RNF138: variants seen among roughly 807,000 people sequenced by gnomAD.
The protein encoded by RNF138 is E3 ubiquitin-protein ligase RNF138.
Under a neutral mutation model 31.0 loss-of-function variants are expected in RNF138, and 12 were observed. The ratio of observed to expected loss-of-function variants is 0.39; its 90% CI spans 0.25 to 0.63. The LOEUF (loss-of-function observed/expected upper bound fraction) is 0.63. Ranked by LOEUF, RNF138 falls within the 20% of genes least tolerant of loss-of-function variation. The pLI is 0.52. For missense variants in RNF138, 192 were observed against 300.1 expected, an observed-to-expected ratio of 0.64 and a Z score of 2.66; for synonymous variants, 105 against 99.5, an observed-to-expected ratio of 1.06 and a Z score of -0.33.
At chr18:32,106,595 C>A (rs139031895) in intron 2 of RNF138, among the ~76,000 whole-genome samples, 8 of 151,624 alleles carry the variant, frequency 5.3e-5, no homozygotes, top group Non-Finnish European at 1.2e-4. Context: ...GATGGAGTCT[C>A]GCTCTGTCAC....
At chr18:32,126,208 C>T (rs1231488407) in intron 6 of RNF138, among the ~76,000 whole-genome samples, 1 of 152,038 alleles carries the variant, frequency 6.6e-6, no homozygotes, top group Non-Finnish European at 1.5e-5. Flanking sequence ...CCAGCCTGGA[C>T]AACAGTGAGA....
rs1285867332 is a variant in RNF138, at chr18:32,091,944, C to T, written c.-369C>T. The T allele has an allele frequency of 2.0e-5, 3 of 152,422 alleles. No homozygotes were observed. Among genetic ancestry groups the T allele is most frequent in the Non-Finnish European group, 1.5e-5 (1 of 68,196 alleles). The allele number at this position is 152,422 out of a possible 1,614,324, so 9.4% of individuals were successfully genotyped here. On this transcript the variant is annotated 5_prime_UTR_variant, in exon 1 of 8. Transcript: ENST00000261593. Reference sequence around the variant, plus strand: ...TCCCCGCCTCTCCTGGCTCCTCCGCCCAGATCCCCGGCGCTCCCGCGTTCG... The same window carrying T: ...TCCCCGCCTCTCCTGGCTCCTCCGCTCAGATCCCCGGCGCTCCCGCGTTCG...
Position 32,129,460 on chromosome 18 carries a change from G to T in RNF138, c.*273G>T. On this transcript the variant is annotated 3_prime_UTR_variant, in exon 8 of 8. Transcript: ENST00000261593. ...AATCCCTGTTGTACTTTATCTTTTT[G>T]TAATATTATTTTTGAATTTTTCATT... The T allele has an allele frequency of 7.2e-6, 2 of 278,038 alleles. No homozygotes were observed. The highest frequency in any genetic ancestry group is 6.7e-6 in the Non-Finnish European group (1 of 150,058). The allele number at this position is 278,038 out of a possible 1,614,324, so 17.2% of individuals were successfully genotyped here.
chr18:32,109,949 T>C (rs2040099904), intron 2 of RNF138, among the ~76,000 whole-genome samples: 1 of 152,180 alleles, frequency 6.6e-6, no homozygotes, highest in African/African-American at 2.4e-5. Flanking sequence ...TCTTGTTTAC[T>C]TTGCGTTATT....
At chr18:32,113,723 G>T in intron 3 of RNF138, 22 bp from the exon 4 acceptor site, 3 of 1,097,416 alleles carry the variant, frequency 2.7e-6, no homozygotes, top group Admixed American at 2.7e-5. Flanking sequence ...TAAATTAAAA[G>T]TCACATTTTA....
intron 2 of RNF138, among the ~76,000 whole-genome samples, chr18:32,096,662 T>C (rs1031463457): frequency 6.6e-6 from 1 of 152,200 alleles, no homozygotes; most frequent in East Asian, 1.9e-4. Flanking sequence ...ATTCAGATCA[T>C]CTGCAAATGA....
chr18:32,119,446 A>G lies in RNF138; in HGVS notation c.393-4072A>G, dbSNP rs565780179. On this transcript the variant is annotated intron_variant, in intron 4 of 7. Transcript: ENST00000261593. The stretch of plus-strand genomic sequence containing the variant: ...ATTTTATTTATTTTATTTTTTTGAG[A>G]CAGAGTCTAACTCTGTCTCTCAGGC... Among the ~76,000 whole-genome samples, 39 of 151,604 alleles carry G rather than the reference A, an allele frequency of 2.6e-4. 1 individual carries two copies. The highest frequency in any genetic ancestry group is 6.8e-3 in the Middle Eastern group (2 of 292).
chr18:32,093,018 G>T, intron 2 of RNF138, 132 bp downstream of exon 2: 1 of 484,306 alleles, frequency 2.1e-6, no homozygotes, highest in South Asian at 3.5e-5. Context: ...TGCCCCGCGA[G>T]GTCCCGTTCC....
At chr18:32,122,414 T>C (rs1410133520) in intron 4 of RNF138, 2 of 152,222 alleles carry the variant, frequency 1.3e-5, no homozygotes, top group African/African-American at 4.8e-5. Flanking sequence ...GTTCAACTTT[T>C]TAAACTCTGG....
At chr18:32,107,107 C>CCTTTTTT (rs2040043266) in intron 2 of RNF138, among the ~76,000 whole-genome samples, 1 of 139,096 alleles carries the variant, frequency 7.2e-6, no homozygotes, top group Non-Finnish European at 1.5e-5. Flanking sequence ...AATTCACTTT[C>CCTTTTTT]CTTTTTTCCT....
chr18:32,104,177 C>G (rs891951606), intron 2 of RNF138, among the ~76,000 whole-genome samples: 5 of 151,558 alleles, frequency 3.3e-5, no homozygotes, highest in African/African-American at 1.2e-4. Flanking sequence ...CCATGCCTGG[C>G]GAATTTTTGT....
At chr18:32,106,818 G>T (rs1230912226) in intron 2 of RNF138, among the ~76,000 whole-genome samples, 2 of 151,888 alleles carry the variant, frequency 1.3e-5, no homozygotes, top group Non-Finnish European at 2.9e-5. Context: ...CGCCTGCCTC[G>T]GCCTCCCAAA....
intron 4 of RNF138, among the ~76,000 whole-genome samples, chr18:32,121,444 G>A (rs1306160363): frequency 2.0e-5 from 3 of 152,176 alleles, no homozygotes; most frequent in Admixed American, 6.5e-5. Context: ...GTGGTGAGCC[G>A]CGGTCGCGCC....
At chr18:32,119,106 G>GA (rs1470037254) in intron 4 of RNF138, among the ~76,000 whole-genome samples, 4 of 152,104 alleles carry the variant, frequency 2.6e-5, no homozygotes, top group African/African-American at 9.7e-5. Flanking sequence ...TTCCCCATGT[G>GA]ATAAACCATT....
chr18:32,094,696 A>G (rs1222724210), intron 2 of RNF138, among the ~76,000 whole-genome samples: 1 of 152,184 alleles, frequency 6.6e-6, no homozygotes, highest in Non-Finnish European at 1.5e-5. Context: ...CAATATTTAA[A>G]AAAAATTTAA....
intron 2 of RNF138, among the ~76,000 whole-genome samples, chr18:32,107,586 T>C (rs2144588200): frequency 6.6e-6 from 1 of 152,152 alleles, no homozygotes; most frequent in South Asian, 2.1e-4. Context: ...AATGGCACGA[T>C]CTTGGCTCAC....
rs2144307166 is a variant in RNF138, at chr18:32,129,697, A to G, written c.*510A>G. 1 of 152,748 alleles carries G rather than the reference A, an allele frequency of 6.5e-6. No homozygotes were observed. Among genetic ancestry groups the G allele is most frequent in the South Asian group, 2.1e-4 (1 of 4,830 alleles). The allele number at this position is 152,748 out of a possible 1,614,324, so 9.5% of individuals were successfully genotyped here. ...ATGCAGGTTCTAGCTGAAAAATTCA[A>G]CTATAAGAAAATTGTATTTATATAA... On this transcript the variant is annotated 3_prime_UTR_variant, in exon 8 of 8. Transcript: ENST00000261593.
intron 2 of RNF138, among the ~76,000 whole-genome samples, chr18:32,097,648 C>G (rs114034136): frequency 0.011 from 1,725 of 152,126 alleles, 26 homozygotes; most frequent in African/African-American, 0.04. Context: ...AGCTGGACTA[C>G]AGGCATGCAC....
chr18:32,113,636 T>A, intron 3 of RNF138, 109 bp from the exon 4 acceptor site: 1 of 522,110 alleles, frequency 1.9e-6, no homozygotes, highest in Non-Finnish European at 3.3e-6. Context: ...AAAATACAAC[T>A]CCTGTTTAAA....
Sources: allele counts gnomAD v4.1 joint callset (sites outside exome capture counted in the v4.1 genomes callset), GRCh38; gene constraint gnomAD v4.1.1; transcripts MANE v1.5; gene names NCBI Gene and HGNC (gene_info 2026-07-23, HGNC 2026-07-21).